The following FAM53B variants were observed in gnomAD, a reference collection of about 807,000 sequenced individuals.
The protein encoded by FAM53B is protein FAM53B.
A neutral mutation model predicts 32.7 loss-of-function variants in FAM53B; 12 were observed. The ratio of observed to expected loss-of-function variants is 0.37; its 90% confidence interval spans 0.24 to 0.59. The LOEUF (loss-of-function observed/expected upper bound fraction) is 0.59. FAM53B is among the 20% of genes least tolerant of loss of function. The pLI, the probability that FAM53B is intolerant of heterozygous loss-of-function variation, is 0.72. For missense variants in FAM53B, 477 were observed against 577.7 expected (o/e 0.83, Z 1.79); for synonymous variants, 234 against 228.7 (o/e 1.02, Z -0.21).
chr10:124,667,153 T>C lies in FAM53B; in HGVS notation c.906+14454A>G, dbSNP rs1247095094. 3.2e-5 allele frequency: 16 copies of C among 504,652 alleles called. No homozygotes were observed. The East Asian group carries it at 5.0e-4, about 16-fold the overall frequency. 31.3% of individuals were successfully genotyped at this position (504,652 alleles called of 1,614,324 possible). On this transcript the variant is annotated intron_variant, in intron 4 of 4. Transcript: ENST00000337318. ...GACCTGCTGTCACCTGACACACCAGTGGATCTCTGAAACCAGTAAGAAAAA... is the reference window on the plus strand; with the variant it reads ...GACCTGCTGTCACCTGACACACCAGCGGATCTCTGAAACCAGTAAGAAAAA...
chr10:124,657,867 C>T (rs1949604037), intron 4 of FAM53B, among the ~76,000 whole-genome samples: 1 of 152,214 alleles, frequency 6.6e-6, no homozygotes, highest in Non-Finnish European at 1.5e-5. Flanking sequence ...ACAGCTAGAG[C>T]CGCAACCAGC....
intron 4 of FAM53B, among the ~76,000 whole-genome samples, chr10:124,626,685 A>G (rs535395440): frequency 8.6e-5 from 13 of 151,956 alleles, no homozygotes; most frequent in Middle Eastern, 3.4e-3. Flanking sequence ...CAGCCCAAAC[A>G]AAGTAAGACA....
At chr10:124,653,748 A>G (rs1012631561) in intron 4 of FAM53B, among the ~76,000 whole-genome samples, 1 of 152,190 alleles carries the variant, frequency 6.6e-6, no homozygotes, top group Non-Finnish European at 1.5e-5. Flanking sequence ...GGATCCTGTG[A>G]GGAAGAAATG....
chr10:124,719,477 T>A (rs1950055989), intron 1 of FAM53B, among the ~76,000 whole-genome samples: 2 of 152,196 alleles, frequency 1.3e-5, no homozygotes, highest in African/African-American at 4.8e-5. Flanking sequence ...GTCAAAAGAC[T>A]CTGGAAGAGT....
chr10:124,624,480 G>C (rs528130028), intron 4 of FAM53B, among the ~76,000 whole-genome samples: 1 of 152,352 alleles, frequency 6.6e-6, no homozygotes, highest in Non-Finnish European at 1.5e-5. Flanking sequence ...ATCTGGAAGA[G>C]GTGCATGATG....
intron 4 of FAM53B, among the ~76,000 whole-genome samples, chr10:124,673,932 C>G (rs2134064261): frequency 6.6e-6 from 1 of 152,316 alleles, no homozygotes; most frequent in South Asian, 2.1e-4. Context: ...AAACCCAAGG[C>G]TCAGAGAAGC....
At chr10:124,650,784 T>G (rs1454312911) in intron 4 of FAM53B, among the ~76,000 whole-genome samples, 2 of 152,050 alleles carry the variant, frequency 1.3e-5, no homozygotes, top group African/African-American at 4.8e-5. Flanking sequence ...CCAGCCCTGC[T>G]AGGAGGCCAA....
intron 1 of FAM53B, among the ~76,000 whole-genome samples, chr10:124,711,315 G>A (rs888415337): frequency 6.6e-6 from 1 of 152,116 alleles, no homozygotes; most frequent in Non-Finnish European, 1.5e-5. Context: ...GTTGGGGATG[G>A]GGCGTGGGAG....
chr10:124,620,238 A>G lies in FAM53B; in HGVS notation c.*3004T>C, dbSNP rs1301126026. 1 of 152,506 alleles carries G rather than the reference A, an allele frequency of 6.6e-6. No individual in the cohort carries two copies. Among genetic ancestry groups the G allele is most frequent in the Admixed American group, 6.5e-5 (1 of 15,272 alleles). The allele number at this position is 152,506 out of a possible 1,614,324, so 9.4% of individuals were successfully genotyped here. A position where few individuals can be genotyped will look rare whatever the true frequency, so the allele number is the denominator to read the frequency against. ...TCCGGCCTCCACCGCGAGTAAGGCA[A>G]GAGGGTATGGCAACGAAAATGGCAA... On this transcript the variant is annotated 3_prime_UTR_variant, in exon 5 of 5. Coordinates refer to ENST00000337318, the MANE Select transcript of FAM53B (RefSeq NM_014661.4).
chr10:124,677,345 C>T (rs2134066126), intron 4 of FAM53B, among the ~76,000 whole-genome samples: 1 of 152,332 alleles, frequency 6.6e-6, no homozygotes. Flanking sequence ...TGTCATTGTG[C>T]AAAAGGAAGG....
At chr10:124,661,488 C>T (rs1949631098) in intron 4 of FAM53B, among the ~76,000 whole-genome samples, 1 of 152,212 alleles carries the variant, frequency 6.6e-6, no homozygotes, top group South Asian at 2.1e-4. Flanking sequence ...CAGGATCTGA[C>T]ACCTGGAATA....
intron 1 of FAM53B, among the ~76,000 whole-genome samples, chr10:124,714,607 G>C (rs1589761482): frequency 6.6e-6 from 1 of 151,096 alleles, no homozygotes; most frequent in South Asian, 2.1e-4. Context: ...AAAATACAAA[G>C]AATTAGCCGG....
At chr10:124,673,344 G>T (rs1949718445) in intron 4 of FAM53B, among the ~76,000 whole-genome samples, 1 of 152,168 alleles carries the variant, frequency 6.6e-6, no homozygotes, top group Non-Finnish European at 1.5e-5. Flanking sequence ...CTCTGCCGTT[G>T]CACACAAGGC....
rs776330495 is a variant in FAM53B at position 124,696,147 on chromosome 10, T to C, written c.133+11A>G. On this transcript the variant is annotated intron_variant, in intron 3 of 4. Transcript: ENST00000337318. ...AGGAGGACAGCTTCCAGGATGGCCTTGAGTACTTACCCATAATTCCACAAG... is the reference window on the plus strand; with the variant it reads ...AGGAGGACAGCTTCCAGGATGGCCTCGAGTACTTACCCATAATTCCACAAG... 1.9e-6 allele frequency: 3 copies of C among 1,612,716 alleles called. No homozygotes were observed. The highest frequency in any genetic ancestry group is 2.5e-6 in the Non-Finnish European group (3 of 1,178,666).
chr10:124,698,432 C>A (rs977518095), intron 2 of FAM53B, among the ~76,000 whole-genome samples: 2 of 152,148 alleles, frequency 1.3e-5, no homozygotes, highest in Admixed American at 1.3e-4. Context: ...ACCAAGCTGG[C>A]ATGTTCTAGA....
At chr10:124,640,264 C>T (rs923134298) in intron 4 of FAM53B, among the ~76,000 whole-genome samples, 3 of 152,232 alleles carry the variant, frequency 2.0e-5, no homozygotes, top group African/African-American at 7.2e-5. Flanking sequence ...CAGCCTCAGG[C>T]CCTCCACACC....
intron 4 of FAM53B, among the ~76,000 whole-genome samples, chr10:124,624,255 G>A (rs1024859345): frequency 2.6e-5 from 4 of 152,234 alleles, no homozygotes; most frequent in African/African-American, 7.2e-5. Context: ...AGCGGGAGCC[G>A]CAGGCTAGAA....
chr10:124,623,300 C>T lies in FAM53B; in HGVS notation c.1211G>A (p.Gly404Glu), dbSNP rs774507579. Residue 404 changes from glycine (G) to glutamate (E), a missense_variant, in exon 5 of 5, where the codon GGG (glycine) becomes GAG (glutamate). Physicochemically the swap from Gly to Glu is moderately conservative, Grantham distance 98. Coordinates refer to ENST00000337318, the MANE Select transcript of FAM53B (RefSeq NM_014661.4). ...GCCGTCCAGGGAGCAGAGGCTGTTC[C>T]CAGGGGCCCCGCGGTCCCGCCAGGC... ...AAAWRDRGAP[G>E]NSLCSLDGEL... is the part of the protein sequence containing the mutation. 5 of 1,612,388 alleles carry T rather than the reference C, an allele frequency of 3.1e-6. No individual in the cohort carries two copies. The highest frequency in any genetic ancestry group is 4.2e-6 in the Non-Finnish European group (5 of 1,179,732).
Position 124,623,209 on chromosome 10 carries a change from G to GCACACCCCAGCCCTGCCTGGGCC in FAM53B, c.*10_*32dup. 6.5e-7 allele frequency: 1 copy of GCACACCCCAGCCCTGCCTGGGCC among 1,542,610 alleles called. No homozygotes were observed. Among genetic ancestry groups the GCACACCCCAGCCCTGCCTGGGCC allele is most frequent in the African/African-American group, 1.4e-5 (1 of 72,976 alleles). On this transcript the variant is annotated 3_prime_UTR_variant, in exon 5 of 5. Coordinates refer to ENST00000337318, the MANE Select transcript of FAM53B (RefSeq NM_014661.4). The stretch of plus-strand genomic sequence containing the variant: ...CCCAGAGTGGGGGCTGTCGATGCCA[G>GCACACCCCAGCCCTGCCTGGGCC]CACACCCCAGCCCTGCCTGGGCCCA...
Sources: gnomAD v4.1 joint callset for allele counts (sites outside exome capture counted in the v4.1 genomes callset) on GRCh38, gnomAD v4.1.1 for gene constraint, MANE v1.5 for transcripts, NCBI Gene and HGNC (gene_info 2026-07-23, HGNC 2026-07-21) for gene names.